Variants in MYO1B observed in about 807,000 individuals in gnomAD.
MYO1B encodes myosin IB.
A neutral mutation model predicts 159.7 loss-of-function variants in MYO1B; 72 were observed. The ratio of observed to expected loss-of-function variants is 0.45; its 90% CI spans 0.37 to 0.55. MYO1B has a LOEUF of 0.55. Ranked by LOEUF, MYO1B falls within the 20% of genes least tolerant of loss-of-function variation. MYO1B has a pLI of 0.00. For missense variants in MYO1B, 1,062 were observed against 1,364.8 expected (o/e 0.78, Z 3.50); for synonymous variants, 468 against 473.8 (o/e 0.99, Z 0.16).
intron 2 of MYO1B, among the ~76,000 whole-genome samples, chr2:191,282,619 A>G (rs1688130234): frequency 6.6e-6 from 1 of 152,254 alleles, no homozygotes; most frequent in African/African-American, 2.4e-5. Context: ...AACAGTAATT[A>G]ATAGAATGAT....
intron 1 of MYO1B, 33 bp from the exon 2 acceptor site, chr2:191,276,854 G>C (rs200016616): frequency 1.3e-6 from 2 of 1,572,212 alleles, no homozygotes; most frequent in East Asian, 4.5e-5. Flanking sequence ...TATTTTGCTC[G>C]TTTAAATTGA....
intron 13 of MYO1B, chr2:191,377,818 A>G (rs993823279): frequency 3.3e-5 from 5 of 151,862 alleles, no homozygotes; most frequent in Non-Finnish European, 5.9e-5. Context: ...AATGCCATCA[A>G]CTTCAGCTTA....
At chr2:191,381,655 C>G (rs981922430) in intron 14 of MYO1B, 89 bp downstream of exon 14, 42 of 963,828 alleles carry the variant, frequency 4.4e-5, no homozygotes, top group Middle Eastern at 3.3e-4. Flanking sequence ...AACAAGAAGC[C>G]ATATTCAAAA....
chr2:191,268,723 G>C (rs569110213), intron 1 of MYO1B, among the ~76,000 whole-genome samples: 1 of 152,144 alleles, frequency 6.6e-6, no homozygotes, highest in Admixed American at 6.5e-5. Flanking sequence ...AGGTTCACCC[G>C]CATGATAGCT....
chr2:191,260,254 C>CTTTTTTTTTTTT (rs57237733), intron 1 of MYO1B, among the ~76,000 whole-genome samples: 2,043 of 60,782 alleles, frequency 0.034, 476 homozygotes, highest in Middle Eastern at 0.091. Context: ...CCCAGATAGG[C>CTTTTTTTTTTTT]TTTTTTTTTT....
intron 6 of MYO1B, among the ~76,000 whole-genome samples, chr2:191,347,064 C>T (rs1009668304): frequency 2.0e-5 from 3 of 152,074 alleles, no homozygotes; most frequent in African/African-American, 7.2e-5. Flanking sequence ...TTTAATGAAC[C>T]GTCTTCTCAC....
chr2:191,309,195 C>T (rs1430599312), intron 3 of MYO1B, among the ~76,000 whole-genome samples: 3 of 152,174 alleles, frequency 2.0e-5, no homozygotes, highest in Admixed American at 1.3e-4. Flanking sequence ...TTGCCCCACT[C>T]CCTCTTCTCT....
At chr2:191,268,373 C>G (rs1687266125) in intron 1 of MYO1B, among the ~76,000 whole-genome samples, 1 of 152,158 alleles carries the variant, frequency 6.6e-6, no homozygotes, top group Non-Finnish European at 1.5e-5. Flanking sequence ...GGGCCTCACC[C>G]TCCTGACTGC....
At chr2:191,404,251 C>T (rs1314505164) in intron 24 of MYO1B, among the ~76,000 whole-genome samples, 4 of 152,088 alleles carry the variant, frequency 2.6e-5, no homozygotes, top group Non-Finnish European at 4.4e-5. Context: ...GGGGCACCAT[C>T]GTATATGCCA....
intron 6 of MYO1B, 81 bp from the exon 7 acceptor site, chr2:191,350,081 T>TTA: frequency 1.8e-6 from 2 of 1,100,368 alleles, no homozygotes; most frequent in Middle Eastern, 2.0e-4. Flanking sequence ...AAATAAGGGC[T>TTA]TAGTCTGCTG....
chr2:191,392,506 A>G (rs1574589462), intron 19 of MYO1B, among the ~76,000 whole-genome samples: 2 of 152,214 alleles, frequency 1.3e-5, no homozygotes, highest in African/African-American at 4.8e-5. Flanking sequence ...AACAGTCTGT[A>G]TTTGTAATAC....
At chr2:191,422,833 TA>T in intron 30 of MYO1B, among the ~76,000 whole-genome samples, 1 of 152,146 alleles carries the variant, frequency 6.6e-6, no homozygotes, top group Non-Finnish European at 1.5e-5. Flanking sequence ...CCCCCTCCCA[TA>T]TTTTTTTTTT....
chr2:191,275,759 A>G (rs1687714136), intron 1 of MYO1B, among the ~76,000 whole-genome samples: 1 of 152,270 alleles, frequency 6.6e-6, no homozygotes, highest in Non-Finnish European at 1.5e-5. Flanking sequence ...ACTGGCTTCT[A>G]CATTAGAAAC....
At chr2:191,330,251 G>T (rs1028757618) in intron 4 of MYO1B, among the ~76,000 whole-genome samples, 1 of 152,154 alleles carries the variant, frequency 6.6e-6, no homozygotes, top group Non-Finnish European at 1.5e-5. Flanking sequence ...TCTAGTGCCG[G>T]ATTCTAGACC....
chr2:191,311,608 G>A (rs902759888), intron 3 of MYO1B, among the ~76,000 whole-genome samples: 28 of 152,114 alleles, frequency 1.8e-4, no homozygotes. Context: ...AATTGGTTTG[G>A]CCGTTATTAA....
chr2:191,400,846 C>G lies in MYO1B; in HGVS notation c.2469+11C>G. On this transcript the variant is annotated intron_variant, in intron 23 of 30. Transcript: ENST00000392318. ...TGGCTTGGATCTAAGGTACTTGATG[C>G]ACATATCCCAACACTCCATCCTGGA... The G allele has an allele frequency of 6.2e-7, 1 of 1,611,784 alleles. No homozygotes were observed.
chr2:191,255,520 A>G (rs1686386096), intron 1 of MYO1B, among the ~76,000 whole-genome samples: 2 of 152,232 alleles, frequency 1.3e-5, no homozygotes, highest in Admixed American at 6.5e-5. Flanking sequence ...GGCAATAAAA[A>G]GAGGCTCAGA....
intron 1 of MYO1B, among the ~76,000 whole-genome samples, chr2:191,259,827 A>G (rs1686686822): frequency 6.6e-6 from 1 of 152,106 alleles, no homozygotes; most frequent in Non-Finnish European, 1.5e-5. Flanking sequence ...TGGTTTGCAT[A>G]GACAGGGCCA....
chr2:191,287,331 T>C (rs1028762285), intron 2 of MYO1B, among the ~76,000 whole-genome samples: 25 of 152,016 alleles, frequency 1.6e-4, no homozygotes, highest in African/African-American at 5.3e-4. Flanking sequence ...AATTCAAGAC[T>C]AGCCTGGCCA....
Sources: gnomAD v4.1 joint callset for allele counts (sites outside exome capture counted in the v4.1 genomes callset) on GRCh38, gnomAD v4.1.1 for gene constraint, MANE v1.5 for transcripts, NCBI Gene and HGNC (gene_info 2026-07-23, HGNC 2026-07-21) for gene names.